Variants in ATP10B observed in about 807,000 individuals in gnomAD.
ATP10B encodes phospholipid-transporting ATPase VB.
Under a neutral mutation model 141.2 loss-of-function variants are expected in ATP10B, and 122 were observed. The observed-to-expected ratio is 0.86, with a 90% CI of 0.75 to 1.00. The LOEUF (loss-of-function observed/expected upper bound fraction) is 1.00. Ranked by LOEUF, ATP10B falls within the 50% of genes least tolerant of loss-of-function variation. ATP10B has a pLI of 0.00. For synonymous variants in ATP10B, 685 were observed against 692.0 expected (o/e 0.99, Z 0.16); for missense variants, 1,876 against 1,825.3 (o/e 1.03, Z -0.51).
chr5:160,636,374 A>T, intron 10 of ATP10B, 65 bp from the exon 11 acceptor site: 2 of 1,547,812 alleles, frequency 1.3e-6, no homozygotes, highest in Non-Finnish European at 1.8e-6. Context: ...GGTCAATTAT[A>T]CCAGCCCTTG....
chr5:160,610,000 C>T (rs72816400), intron 18 of ATP10B, among the ~76,000 whole-genome samples: 1 of 152,116 alleles, frequency 6.6e-6, no homozygotes, highest in Non-Finnish European at 1.5e-5. Flanking sequence ...ACAATAATTA[C>T]CATTCACTGA....
intron 25 of ATP10B, 93 bp from the exon 26 acceptor site, chr5:160,565,993 G>A: frequency 8.1e-7 from 1 of 1,227,510 alleles, no homozygotes; most frequent in Non-Finnish European, 1.1e-6. Flanking sequence ...CCAACTCCCT[G>A]CCTGGAGCAA....
the ATP10B span, among the ~76,000 whole-genome samples, chr5:160,897,840 G>C: frequency 1.3e-5 from 2 of 152,154 alleles, no homozygotes; most frequent in African/African-American, 4.8e-5. Context: ...TACCAAAACA[G>C]ATATATAGAC....
At chr5:160,729,462 C>T (rs1766590828) in intron 2 of ATP10B, among the ~76,000 whole-genome samples, 1 of 152,118 alleles carries the variant, frequency 6.6e-6, no homozygotes, top group African/African-American at 2.4e-5. Context: ...AGATGCCTGC[C>T]CCTCTGCCCT....
At chr5:160,912,871 G>A in the ATP10B span, among the ~76,000 whole-genome samples, 315 of 152,288 alleles carry the variant, frequency 2.1e-3, 4 homozygotes, top group African/African-American at 7.3e-3. Flanking sequence ...ATGTAATTCA[G>A]AAGGTGTGTT....
chr5:160,571,454 ATTCT>A (rs1754871636), intron 24 of ATP10B, among the ~76,000 whole-genome samples: 1 of 152,168 alleles, frequency 6.6e-6, no homozygotes. Flanking sequence ...TTTAAAGCTT[ATTCT>A]TTGTTTCTTT....
At chr5:160,660,064 G>C (rs1217287410) in intron 7 of ATP10B, among the ~76,000 whole-genome samples, 1 of 152,126 alleles carries the variant, frequency 6.6e-6, no homozygotes, top group African/African-American at 2.4e-5. Flanking sequence ...GTAATGCAGT[G>C]GATAAGGAAT....
chr5:160,686,941 C>T lies in ATP10B; in HGVS notation c.276-668G>A, dbSNP rs746210351. 1.8e-4 allele frequency: 181 copies of T among 985,230 alleles called. No homozygotes were observed. In the Middle Eastern group the frequency reaches 6.2e-3, roughly 34 times the overall value. 61.0% of individuals were successfully genotyped at this position (985,230 alleles called of 1,614,324 possible). A position where few individuals can be genotyped will look rare whatever the true frequency, so the allele number is the denominator to read the frequency against. On this transcript the variant is annotated intron_variant, in intron 5 of 25. Transcript: ENST00000327245. The stretch of plus-strand genomic sequence containing the variant: ...TTTAAAATGATCTCATACATTATCT[C>T]AAAAGAGTTGCTGATGTTTTCAAGT...
chr5:160,682,595 A>G (rs1763472929), intron 6 of ATP10B, among the ~76,000 whole-genome samples: 1 of 152,170 alleles, frequency 6.6e-6, no homozygotes, highest in Non-Finnish European at 1.5e-5. Context: ...TGGCAGAGCG[A>G]GGAGAACAGG....
intron 3 of ATP10B, among the ~76,000 whole-genome samples, chr5:160,714,918 A>T (rs1185489605): frequency 7.0e-6 from 1 of 143,744 alleles, no homozygotes; most frequent in Non-Finnish European, 1.5e-5. Context: ...CCTCCCAGTT[A>T]GGCTGCTCGG....
chr5:160,864,111 C>T, the ATP10B span, among the ~76,000 whole-genome samples: 2 of 151,724 alleles, frequency 1.3e-5, no homozygotes, highest in African/African-American at 2.4e-5. Context: ...ACCCTAATGC[C>T]AAAACAAGAA....
At chr5:160,812,334 T>A (rs1773236766) in intron 1 of ATP10B, among the ~76,000 whole-genome samples, 1 of 152,148 alleles carries the variant, frequency 6.6e-6, no homozygotes, top group Non-Finnish European at 1.5e-5. Context: ...TAATAAATAC[T>A]TAACTATTTA....
chr5:160,565,180 G>A lies in ATP10B; in HGVS notation c.*273C>T, dbSNP rs144882680. ...CAGAAGAATGGCTTTGGTCTAAACC[G>A]ATTTGAGAACTCGATTCAACAAAAA... On this transcript the variant is annotated 3_prime_UTR_variant, in exon 26 of 26. Coordinates refer to ENST00000327245, the MANE Select transcript of ATP10B (RefSeq NM_025153.3). 895 of 470,040 alleles carry A rather than the reference G, an allele frequency of 1.9e-3. 1 individual carries two copies. The highest frequency in any genetic ancestry group is 2.8e-3 in the Non-Finnish European group (731 of 260,462). The allele number at this position is 470,040 out of a possible 1,614,324, so 29.1% of individuals were successfully genotyped here. A position where few individuals can be genotyped will look rare whatever the true frequency, so the allele number is the denominator to read the frequency against.
At chr5:160,647,663 G>A (rs908063122) in intron 8 of ATP10B, among the ~76,000 whole-genome samples, 5 of 152,172 alleles carry the variant, frequency 3.3e-5, no homozygotes, top group African/African-American at 9.7e-5. Context: ...GTGACTCAAG[G>A]CGTGAGGGAT....
At chr5:160,922,729 A>G in the ATP10B span, among the ~76,000 whole-genome samples, 2 of 152,238 alleles carry the variant, frequency 1.3e-5, no homozygotes, top group Non-Finnish European at 2.9e-5. Context: ...TTCAGTGAAT[A>G]TATCTTTGAG....
At chr5:160,690,184 A>C (rs895046509) in intron 3 of ATP10B, among the ~76,000 whole-genome samples, 1 of 152,236 alleles carries the variant, frequency 6.6e-6, no homozygotes, top group Non-Finnish European at 1.5e-5. Context: ...CACCTTCCTT[A>C]CACATTATAC....
At chr5:160,771,998 T>C (rs1769939128) in intron 2 of ATP10B, among the ~76,000 whole-genome samples, 3 of 152,274 alleles carry the variant, frequency 2.0e-5, no homozygotes, top group African/African-American at 7.2e-5. Flanking sequence ...CAAGGGCTTT[T>C]CCTGCAAGAG....
intron 13 of ATP10B, among the ~76,000 whole-genome samples, chr5:160,627,996 A>C (rs969466239): frequency 6.6e-6 from 1 of 152,156 alleles, no homozygotes; most frequent in Non-Finnish European, 1.5e-5. Flanking sequence ...GGCTATGACT[A>C]TTATGGCAAC....
At chr5:160,843,891 T>C (rs1297103218) in intron 1 of ATP10B, among the ~76,000 whole-genome samples, 1 of 152,138 alleles carries the variant, frequency 6.6e-6, no homozygotes, top group Non-Finnish European at 1.5e-5. Context: ...TAAAATTTTA[T>C]ACTTTTCTGT....
Sources: gnomAD v4.1 joint callset for allele counts (sites outside exome capture counted in the v4.1 genomes callset) on GRCh38, gnomAD v4.1.1 for gene constraint, MANE v1.5 for transcripts, NCBI Gene and HGNC (gene_info 2026-07-23, HGNC 2026-07-21) for gene names.